Variants in SNAP91 observed in about 807,000 individuals in gnomAD.
SNAP91 encodes the protein synaptosome associated protein 91.
Under a neutral mutation model 100.3 loss-of-function variants are expected in SNAP91, and 27 were observed. The observed-to-expected ratio is 0.27, with a 90% CI of 0.20 to 0.37. SNAP91 has a LOEUF of 0.37. Ranked by LOEUF, SNAP91 falls within the 10% of genes least tolerant of loss-of-function variation. The probability of loss-of-function intolerance (pLI) is 1.00; values close to 1 mark genes in which losing one functional copy is unlikely to be tolerated. For synonymous variants in SNAP91, 404 were observed against 398.6 expected (o/e 1.01, Z -0.16); for missense variants, 986 against 1,123.7 (o/e 0.88, Z 1.75).
chr6:83,600,469 C>T (rs1426785709), intron 16 of SNAP91, among the ~76,000 whole-genome samples: 1 of 152,150 alleles, frequency 6.6e-6, no homozygotes, highest in Non-Finnish European at 1.5e-5. Context: ...ATGACTATAA[C>T]ATCACTTGAC....
chr6:83,645,663 A>T (rs1474246781), intron 7 of SNAP91, among the ~76,000 whole-genome samples: 1 of 152,086 alleles, frequency 6.6e-6, no homozygotes, highest in Non-Finnish European at 1.5e-5. Flanking sequence ...CTTGGGCAAC[A>T]TAGCAAGCCC....
At chr6:83,651,965 G>GA (rs1043220928) in intron 7 of SNAP91, among the ~76,000 whole-genome samples, 6 of 152,166 alleles carry the variant, frequency 3.9e-5, no homozygotes, top group Non-Finnish European at 5.9e-5. Flanking sequence ...GCATCTGTTT[G>GA]AAAAAATTGA....
intron 2 of SNAP91, among the ~76,000 whole-genome samples, chr6:83,698,136 T>C (rs2099244688): frequency 1.3e-5 from 2 of 152,092 alleles, no homozygotes; most frequent in African/African-American, 4.8e-5. Context: ...TTCAAAGTAG[T>C]TCAGCAATGA....
chr6:83,592,612 C>T (rs1430490087), intron 20 of SNAP91, 74 bp from the exon 21 acceptor site: 1 of 1,220,086 alleles, frequency 8.2e-7, no homozygotes, highest in Non-Finnish European at 1.2e-6. Context: ...TGACAAATGG[C>T]ATCTTGGGAT....
intron 8 of SNAP91, 43 bp from the exon 9 acceptor site, chr6:83,623,385 TA>T (rs1408973821): frequency 2.8e-6 from 4 of 1,444,960 alleles, no homozygotes; most frequent in Non-Finnish European, 3.8e-6. Context: ...CTTTTAAAAT[TA>T]ATTTTTTTCA....
At chr6:83,630,991 C>G (rs903040877) in intron 8 of SNAP91, among the ~76,000 whole-genome samples, 2 of 152,014 alleles carry the variant, frequency 1.3e-5, no homozygotes, top group African/African-American at 4.8e-5. Context: ...TATGACCTTT[C>G]CTCTTACCAC....
rs1815964387 is a variant in SNAP91, at chr6:83,575,118, TC to T, written c.2333del (p.Gly778GlufsTer12). On this transcript the variant is annotated frameshift_variant and splice_region_variant, in exon 26 of 30. Coordinates refer to ENST00000369694, the MANE Select transcript of SNAP91 (RefSeq NM_001242792.2). LOFTEE classifies it high-confidence loss of function. Reference protein sequence around the residue: ...LGISGTTTKKGDLQWNAGEKK... With the variant: ...LGISGTTTKKXDLQWNAGEKK... The stretch of plus-strand genomic sequence containing the variant: ...TCTCTCCAGCATTCCACTGAAGATC[TC>T]CCCTAAAATTAACCATGCAAAACAA... 6.3e-7 allele frequency: 1 copy of T among 1,599,262 alleles called. No homozygotes were observed. Among genetic ancestry groups the T allele is most frequent in the Non-Finnish European group, 8.5e-7 (1 of 1,170,216 alleles).
At chr6:83,676,562 G>A (rs1340211977) in intron 2 of SNAP91, among the ~76,000 whole-genome samples, 1 of 152,196 alleles carries the variant, frequency 6.6e-6, no homozygotes, top group Non-Finnish European at 1.5e-5. Context: ...GAAAGCCAGT[G>A]TGACTGGAGA....
At chr6:83,708,430 G>C (rs1328295944) in intron 1 of SNAP91, 2 of 155,072 alleles carry the variant, frequency 1.3e-5, no homozygotes, top group African/African-American at 4.8e-5. Flanking sequence ...AGCCCTGGCT[G>C]CCTCCCTCCT....
chr6:83,591,885 A>G (rs1437724541), intron 21 of SNAP91, among the ~76,000 whole-genome samples: 1 of 152,230 alleles, frequency 6.6e-6, no homozygotes, highest in African/African-American at 2.4e-5. Context: ...GAGCTAATTC[A>G]GTACATCTTC....
intron 22 of SNAP91, among the ~76,000 whole-genome samples, chr6:83,587,816 G>T (rs1260966040): frequency 6.6e-6 from 1 of 152,030 alleles, no homozygotes; most frequent in Non-Finnish European, 1.5e-5. Flanking sequence ...TCACAGGATA[G>T]AATTATATTA....
chr6:83,603,344 A>ATTCAC (rs2095403472), intron 14 of SNAP91, among the ~76,000 whole-genome samples: 1 of 152,128 alleles, frequency 6.6e-6, no homozygotes, highest in Admixed American at 6.6e-5. Context: ...CCATGTGAAC[A>ATTCAC]AGCCCCATTT....
intron 23 of SNAP91, among the ~76,000 whole-genome samples, chr6:83,581,221 A>T (rs913960732): frequency 6.6e-6 from 1 of 152,212 alleles, no homozygotes; most frequent in African/African-American, 2.4e-5. Flanking sequence ...CATCTGATAT[A>T]ACAGTCAGCA....
intron 2 of SNAP91, among the ~76,000 whole-genome samples, chr6:83,688,985 C>T (rs886259884): frequency 9.9e-5 from 15 of 152,092 alleles, no homozygotes; most frequent in Admixed American, 2.6e-4. Context: ...GTGGTAAGTT[C>T]GTGCAAGACC....
chr6:83,707,536 C>CGTGTGT (rs70987765), intron 2 of SNAP91, among the ~76,000 whole-genome samples: 21,702 of 148,970 alleles, frequency 0.15, 1,699 homozygotes, highest in African/African-American at 0.22. Context: ...TATACATATG[C>CGTGTGT]GTGTGTGTGT....
intron 16 of SNAP91, among the ~76,000 whole-genome samples, chr6:83,595,868 T>G (rs1582954976): frequency 1.3e-5 from 2 of 152,216 alleles, no homozygotes; most frequent in African/African-American, 2.4e-5. Context: ...TGAAACACTC[T>G]TTAGTAATGC....
At chr6:83,593,979 C>T (rs1487646907) in intron 17 of SNAP91, among the ~76,000 whole-genome samples, 4 of 152,144 alleles carry the variant, frequency 2.6e-5, no homozygotes, top group Non-Finnish European at 5.9e-5. Flanking sequence ...TTGCAAAGTG[C>T]CGTAAGATTA....
intron 8 of SNAP91, among the ~76,000 whole-genome samples, chr6:83,635,865 T>C (rs1195395616): frequency 1.3e-5 from 2 of 152,168 alleles, no homozygotes; most frequent in South Asian, 2.1e-4. Context: ...GGCCAGTTGA[T>C]TGGTAACACA....
intron 26 of SNAP91, among the ~76,000 whole-genome samples, chr6:83,570,561 G>A (rs562568393): frequency 2.2e-5 from 3 of 138,054 alleles, no homozygotes; most frequent in East Asian, 2.5e-4. Flanking sequence ...GGTGGCGGGG[G>A]GGGAAGTGGT....
Sources: allele counts gnomAD v4.1 joint callset (sites outside exome capture counted in the v4.1 genomes callset), GRCh38; gene constraint gnomAD v4.1.1; transcripts MANE v1.5; gene names NCBI Gene and HGNC (gene_info 2026-07-23, HGNC 2026-07-21).